The following ATP13A4 variants were observed in gnomAD, a reference collection of about 807,000 sequenced individuals.
The protein encoded by ATP13A4 is probable cation-transporting ATPase 13A4.
A neutral mutation model predicts 142.5 loss-of-function variants in ATP13A4; 114 were observed. The ratio of observed to expected loss-of-function variants is 0.80; its 90% CI spans 0.69 to 0.93. The LOEUF is 0.93. Among genes scored for constraint, ATP13A4 ranks in the 40% least tolerant of loss-of-function variants. The pLI is 0.00. For missense variants in ATP13A4, 1,392 were observed against 1,454.0 expected, an observed-to-expected ratio of 0.96 and a Z score of 0.69; for synonymous variants, 488 against 514.8, an observed-to-expected ratio of 0.95 and a Z score of 0.70.
intron 1 of ATP13A4, among the ~76,000 whole-genome samples, chr3:193,542,177 C>T (rs1263511962): frequency 6.6e-6 from 1 of 152,044 alleles, no homozygotes; most frequent in East Asian, 1.9e-4. Flanking sequence ...TCCTATACAC[C>T]AACACTAGAC....
At chr3:193,542,462 G>A (rs935477739) in intron 1 of ATP13A4, among the ~76,000 whole-genome samples, 3 of 151,226 alleles carry the variant, frequency 2.0e-5, no homozygotes, top group Admixed American at 2.0e-4. Flanking sequence ...CATAGAATTA[G>A]AAAAAAACTA....
chr3:193,543,517 T>C (rs1723057284), intron 1 of ATP13A4, among the ~76,000 whole-genome samples: 1 of 152,206 alleles, frequency 6.6e-6, no homozygotes, highest in South Asian at 2.1e-4. Context: ...TAAACTAGTC[T>C]TGCCAAACCA....
rs559773241 is a variant in ATP13A4, at chr3:193,475,842, G to A, written c.809-4849C>T. On this transcript the variant is annotated intron_variant, in intron 8 of 29. Coordinates refer to ENST00000342695, the MANE Select transcript of ATP13A4 (RefSeq NM_032279.4). ...TGGGATGTTACAAACAGGAAAAAAA[G>A]AATTCTAAAACCATCTTAAATTGTT... is the stretch of plus-strand genomic sequence containing the variant. 6.8e-4 allele frequency among the ~76,000 whole-genome samples: 103 copies of A among 152,042 alleles called. 4 individuals are homozygous for A. The highest frequency in any genetic ancestry group is 2.3e-3 in the African/African-American group (96 of 41,416).
intron 1 of ATP13A4, among the ~76,000 whole-genome samples, chr3:193,585,469 G>T (rs1329412921): frequency 7.2e-6 from 1 of 139,534 alleles, no homozygotes; most frequent in Non-Finnish European, 1.5e-5. Flanking sequence ...AAAACATCAG[G>T]TTTGTTTGTG....
In ATP13A4 at chr3:193,593,105, A is replaced by G. The variant is rs543322961; in HGVS notation, n.7T>C. The G allele has an allele frequency of 2.6e-5, 11 of 419,220 alleles. No homozygotes were observed. In the East Asian group the frequency reaches 3.2e-4, roughly 12 times the overall value. The allele number at this position is 419,220 out of a possible 1,614,324, so 26.0% of individuals were successfully genotyped here. On this transcript the variant is annotated non_coding_transcript_exon_variant, in exon 1 of 4. Transcript: ENST00000489140. ...GATGGATTGCTCCAGTCCGTTCCCG[A>G]CGCACTGTGCGCATGCGCTGGTCCT...
intron 1 of ATP13A4, among the ~76,000 whole-genome samples, chr3:193,550,899 G>A (rs1723520369): frequency 6.6e-6 from 1 of 152,126 alleles, no homozygotes; most frequent in African/African-American, 2.4e-5. Flanking sequence ...TGATACCTTC[G>A]TTCAGCCATG....
intron 2 of ATP13A4, among the ~76,000 whole-genome samples, chr3:193,581,373 T>C (rs1269617248): frequency 6.6e-6 from 1 of 152,186 alleles, no homozygotes; most frequent in Non-Finnish European, 1.5e-5. Context: ...TGCGTGCTGA[T>C]TTCTATGGTG....
At chr3:193,526,552 A>G (rs1487903400) in intron 1 of ATP13A4, among the ~76,000 whole-genome samples, 1 of 152,162 alleles carries the variant, frequency 6.6e-6, no homozygotes, top group East Asian at 1.9e-4. Context: ...GCAAACCACT[A>G]TGGCACACGT....
At chr3:193,586,288 A>T (rs1210535264) in intron 1 of ATP13A4, among the ~76,000 whole-genome samples, 1 of 152,138 alleles carries the variant, frequency 6.6e-6, no homozygotes, top group Non-Finnish European at 1.5e-5. Flanking sequence ...AGGTTTGCCT[A>T]TTCATCTTAT....
intron 2 of ATP13A4, among the ~76,000 whole-genome samples, chr3:193,513,550 A>G (rs1341675081): frequency 6.6e-6 from 1 of 152,186 alleles, no homozygotes; most frequent in Non-Finnish European, 1.5e-5. Context: ...TACCACATGC[A>G]GGAACTGGGG....
upstream of ATP13A4, among the ~76,000 whole-genome samples, chr3:193,557,825 T>C (rs984461731): frequency 6.6e-6 from 1 of 152,180 alleles, no homozygotes; most frequent in African/African-American, 2.4e-5. Context: ...CAAAAATGCT[T>C]CAACAGGTGG....
chr3:193,422,689 T>C (rs1010011178), intron 25 of ATP13A4, among the ~76,000 whole-genome samples: 2 of 148,850 alleles, frequency 1.3e-5, no homozygotes, highest in Non-Finnish European at 3.0e-5. Flanking sequence ...AAAATGAAAA[T>C]TGAAACAAAC....
rs151320006 is a variant in ATP13A4 at position 193,578,403 on chromosome 3, T to TA, written n.291+3303dup. 3.1e-3 allele frequency among the ~76,000 whole-genome samples: 468 copies of TA among 152,276 alleles called. 3 individuals are homozygous for TA. The highest frequency in any genetic ancestry group is 0.02 in the Middle Eastern group (6 of 294). ...TTAATTTTAACTCTACACCTTCACT[T>TA]AGTTGGTTTCTGGGAAGCAACTGCT... On this transcript the variant is annotated intron_variant and non_coding_transcript_variant, in intron 2 of 3. Transcript: ENST00000489140.
rs71179308 is a variant in ATP13A4, at chr3:193,541,248, C to CAAAAAAAAAA, written c.60+13482_60+13491dup. 8.0e-4 allele frequency among the ~76,000 whole-genome samples: 41 copies of CAAAAAAAAAA among 51,282 alleles called. 2 individuals carry two copies. Among genetic ancestry groups the CAAAAAAAAAA allele is most frequent in the South Asian group, 2.1e-3 (3 of 1,462 alleles). The allele number at this position is 51,282 out of a possible 152,430, so 33.6% of individuals were successfully genotyped here. A position where few individuals can be genotyped will look rare whatever the true frequency, so the allele number is the denominator to read the frequency against. ...TGGGCGACAGAGCGAGACTCCTTCT[C>CAAAAAAAAAA]AAAAAAAAAAAAAAAAAAAAAATCA... On this transcript the variant is annotated intron_variant, in intron 1 of 29. Coordinates refer to ENST00000342695, the MANE Select transcript of ATP13A4 (RefSeq NM_032279.4).
At chr3:193,562,116 G>A (rs556382726) in intron 2 of ATP13A4, among the ~76,000 whole-genome samples, 1 of 152,216 alleles carries the variant, frequency 6.6e-6, no homozygotes, top group South Asian at 2.1e-4. Flanking sequence ...CACCAGTGGT[G>A]TGTGTCAGTC....
chr3:193,468,221 G>T (rs964987134), intron 9 of ATP13A4, among the ~76,000 whole-genome samples: 1 of 152,092 alleles, frequency 6.6e-6, no homozygotes, highest in Non-Finnish European at 1.5e-5. Context: ...AGGCACTGGT[G>T]ACTGAAGGAG....
At chr3:193,530,085 A>G (rs1398739558) in intron 1 of ATP13A4, among the ~76,000 whole-genome samples, 1 of 152,126 alleles carries the variant, frequency 6.6e-6, no homozygotes, top group East Asian at 1.9e-4. Flanking sequence ...CCTCAGTTTA[A>G]TCAGTGTCAA....
At chr3:193,484,120 A>T in intron 7 of ATP13A4, 115 bp from the exon 8 acceptor site, 1 of 889,598 alleles carries the variant, frequency 1.1e-6, no homozygotes, top group Non-Finnish European at 1.9e-6. Context: ...AGTTGAATGG[A>T]ATGTACTGGC....
At chr3:193,420,250 A>T (rs1409638777) in intron 25 of ATP13A4, among the ~76,000 whole-genome samples, 1 of 149,292 alleles carries the variant, frequency 6.7e-6, no homozygotes, top group Non-Finnish European at 1.5e-5. Context: ...ATGGCCACTG[A>T]GGCACTCAGT....
Sources: allele counts gnomAD v4.1 joint callset (sites outside exome capture counted in the v4.1 genomes callset), GRCh38; gene constraint gnomAD v4.1.1; transcripts MANE v1.5; gene names NCBI Gene and HGNC (gene_info 2026-07-23, HGNC 2026-07-21).